TNKS: variants seen among roughly 807,000 people sequenced by gnomAD.
The protein encoded by TNKS is tankyrase, also known as poly [ADP-ribose] polymerase tankyrase-1.
A neutral mutation model predicts 135.8 loss-of-function variants in TNKS; 72 were observed. That is an observed-to-expected ratio of 0.53 (90% CI 0.44 to 0.64). The LOEUF is 0.64. TNKS is among the 30% of genes least tolerant of loss of function. The pLI is 0.00. For missense variants in TNKS, 1,769 were observed against 1,674.0 expected, an observed-to-expected ratio of 1.06 and a Z score of -0.99; for synonymous variants, 849 against 649.3, an observed-to-expected ratio of 1.31 and a Z score of -4.68.
chr8:9,581,574 T>C (rs535867758), intron 2 of TNKS, among the ~76,000 whole-genome samples: 12 of 152,358 alleles, frequency 7.9e-5, no homozygotes, highest in African/African-American at 1.9e-4. Flanking sequence ...ATAACTATTA[T>C]TGAGCTTGGA....
At chr8:9,708,267 G>C in intron 8 of TNKS, 104 bp from the exon 9 acceptor site, 1 of 1,061,464 alleles carries the variant, frequency 9.4e-7, no homozygotes, top group African/African-American at 1.6e-5. Flanking sequence ...TGTTAAAATA[G>C]AGAAATTCAT....
At chr8:9,760,125 C>G (rs1056128626) in intron 20 of TNKS, among the ~76,000 whole-genome samples, 14 of 151,958 alleles carry the variant, frequency 9.2e-5, no homozygotes, top group South Asian at 2.1e-4. Context: ...ACATAGTTTC[C>G]AAATTATATT....
intron 15 of TNKS, among the ~76,000 whole-genome samples, chr8:9,734,664 G>A (rs953766983): frequency 7.2e-5 from 11 of 152,116 alleles, no homozygotes; most frequent in Admixed American, 2.0e-4. Context: ...TGATCCTGAA[G>A]CTTTGACTGT....
chr8:9,729,549 T>C (rs985626621), intron 13 of TNKS, among the ~76,000 whole-genome samples: 4 of 152,188 alleles, frequency 2.6e-5, no homozygotes, highest in African/African-American at 7.2e-5. Context: ...TAAGCGATGA[T>C]GCATGATGTA....
intron 3 of TNKS, among the ~76,000 whole-genome samples, chr8:9,639,555 G>A (rs1473435781): frequency 6.7e-6 from 1 of 148,964 alleles, no homozygotes; most frequent in Non-Finnish European, 1.5e-5. Flanking sequence ...TTCCTGAGTA[G>A]CTTTCAATCT....
chr8:9,700,422 A>G (rs1803739919), intron 5 of TNKS, among the ~76,000 whole-genome samples: 1 of 152,186 alleles, frequency 6.6e-6, no homozygotes, highest in South Asian at 2.1e-4. Flanking sequence ...AGAAATTCAC[A>G]TATTTTAGGT....
intron 2 of TNKS, among the ~76,000 whole-genome samples, chr8:9,587,654 G>A (rs7846490): frequency 0.024 from 3,651 of 152,076 alleles, 137 homozygotes; most frequent in African/African-American, 0.079. Context: ...CGCCCGCCTC[G>A]GCCTCCCAAA....
intron 2 of TNKS, among the ~76,000 whole-genome samples, chr8:9,606,348 A>G (rs1171971231): frequency 3.9e-5 from 6 of 151,912 alleles, no homozygotes; most frequent in Non-Finnish European, 2.9e-5. Flanking sequence ...TAGTTTTTCA[A>G]TTGGAAGTTA....
chr8:9,686,316 A>C (rs975386638), intron 5 of TNKS, among the ~76,000 whole-genome samples: 3 of 152,130 alleles, frequency 2.0e-5, no homozygotes, highest in Non-Finnish European at 4.4e-5. Flanking sequence ...AAGCTTCTTA[A>C]TGATTCTAAC....
At position 9,703,460 on chromosome 8, in the gene TNKS, G is replaced by A. The variant is rs568874881; in HGVS notation, c.1108-1203G>A. ...TATACATGAAGAAGCTGAGACACAC[G>A]AGTAGCATGACTTCCACTGGGTTGC... On this transcript the variant is annotated intron_variant, in intron 5 of 26. Transcript: ENST00000310430. 3.3e-5 allele frequency among the ~76,000 whole-genome samples: 5 copies of A among 152,300 alleles called. No individual in the cohort carries two copies. In the South Asian group the frequency reaches 6.2e-4, roughly 19 times the overall value.
chr8:9,750,143 C>T (rs563517097), intron 18 of TNKS, among the ~76,000 whole-genome samples: 143 of 152,258 alleles, frequency 9.4e-4, no homozygotes, highest in South Asian at 5.4e-3. Flanking sequence ...CAAGGTACCA[C>T]CTTAGAGGTT....
chr8:9,758,187 C>A (rs982167956), intron 20 of TNKS, among the ~76,000 whole-genome samples: 1 of 152,146 alleles, frequency 6.6e-6, no homozygotes, highest in Non-Finnish European at 1.5e-5. Context: ...GTGCTCGGAA[C>A]TGTGCTTGTT....
At chr8:9,669,156 C>T (rs1040639022) in intron 3 of TNKS, among the ~76,000 whole-genome samples, 2 of 151,998 alleles carry the variant, frequency 1.3e-5, no homozygotes, top group Non-Finnish European at 2.9e-5. Flanking sequence ...CGGTGGCTCA[C>T]GCCTGTAATC....
intron 21 of TNKS, among the ~76,000 whole-genome samples, chr8:9,762,342 A>AGTCTT (rs1337936391): frequency 2.6e-5 from 4 of 152,214 alleles, no homozygotes; most frequent in Non-Finnish European, 4.4e-5. Flanking sequence ...TTTGTGCTTG[A>AGTCTT]GTCTTGCTTA....
intron 3 of TNKS, among the ~76,000 whole-genome samples, chr8:9,629,394 A>T (rs1022502740): frequency 3.3e-5 from 5 of 152,200 alleles, no homozygotes; most frequent in Non-Finnish European, 7.4e-5. Flanking sequence ...GAAACTTTTT[A>T]AAAATGTTAA....
At chr8:9,619,621 G>T (rs1233200657) in intron 3 of TNKS, among the ~76,000 whole-genome samples, 1 of 152,054 alleles carries the variant, frequency 6.6e-6, no homozygotes, top group African/African-American at 2.4e-5. Flanking sequence ...CTTTAACCTG[G>T]ATTCATTGCA....
chr8:9,731,712 A>C (rs1805450995), intron 14 of TNKS, among the ~76,000 whole-genome samples: 1 of 152,104 alleles, frequency 6.6e-6, no homozygotes, highest in African/African-American at 2.4e-5. Flanking sequence ...TATCTTGAAT[A>C]GTCTTCCCAT....
intron 11 of TNKS, among the ~76,000 whole-genome samples, chr8:9,714,902 T>G (rs148157740): frequency 4.6e-5 from 7 of 152,200 alleles, no homozygotes; most frequent in African/African-American, 1.7e-4. Flanking sequence ...TAAAAGAGTT[T>G]AAGATTAGAA....
rs1289527998 is a variant in TNKS, at chr8:9,768,381, G to A, written c.3741-1725G>A. 7.9e-5 allele frequency among the ~76,000 whole-genome samples: 12 copies of A among 152,296 alleles called. No individual in the cohort carries two copies. The East Asian group carries it at 1.9e-3, about 24-fold the overall frequency. On this transcript the variant is annotated intron_variant, in intron 25 of 26. Coordinates refer to ENST00000310430, the MANE Select transcript of TNKS (RefSeq NM_003747.3). ...TCTCCGGAGAGGCTGTATCAACTAC[G>A]GCATCTCACAACAGTAGTATATCAG...
Sources: allele counts gnomAD v4.1 joint callset (sites outside exome capture counted in the v4.1 genomes callset), GRCh38; gene constraint gnomAD v4.1.1; transcripts MANE v1.5; gene names NCBI Gene and HGNC (gene_info 2026-07-23, HGNC 2026-07-21).